ROR2: variants seen among roughly 807,000 people sequenced by gnomAD.
The protein encoded by ROR2 is tyrosine-protein kinase transmembrane receptor ROR2.
In ROR2, 33 loss-of-function variants were observed where a neutral mutation model predicts 74.9. That is an observed-to-expected ratio of 0.44 (90% confidence interval 0.33 to 0.59). ROR2 has a LOEUF of 0.59. ROR2 is among the 20% of genes least tolerant of loss of function. The pLI is 0.02. For missense variants in ROR2, 1,216 were observed against 1,313.8 expected (o/e 0.93, Z 1.15); for synonymous variants, 586 against 558.7 (o/e 1.05, Z -0.69).
rs1470313129 is a variant in ROR2 at position 91,800,356 on chromosome 9, G to A, written c.98-24538C>T. Among the ~76,000 whole-genome samples the A allele has an allele frequency of 7.8e-5, 11 of 141,142 alleles. No homozygotes were observed. In the South Asian group the frequency reaches 2.2e-3, roughly 29 times the overall value. The allele number at this position is 141,142 out of a possible 152,430, so 92.6% of individuals were successfully genotyped here. A position where few individuals can be genotyped will look rare whatever the true frequency, so the allele number is the denominator to read the frequency against. Reference sequence around the variant, plus strand: ...AGACTCCGTCTCAAAAAAAAAAAAAGAGAGAGAGAGAATAATACCAGTGCA... The same window carrying A: ...AGACTCCGTCTCAAAAAAAAAAAAAAAGAGAGAGAGAATAATACCAGTGCA... On this transcript the variant is annotated intron_variant, in intron 1 of 8. Coordinates refer to ENST00000375708, the MANE Select transcript of ROR2 (RefSeq NM_004560.4).
chr9:91,755,434 G>A (rs1267770128), intron 4 of ROR2, among the ~76,000 whole-genome samples: 1 of 152,222 alleles, frequency 6.6e-6, no homozygotes, highest in Admixed American at 6.5e-5. Flanking sequence ...CTCAAACACC[G>A]GCAATGGAAT....
chr9:91,770,156 G>C (rs922113552), intron 2 of ROR2, among the ~76,000 whole-genome samples: 3 of 152,198 alleles, frequency 2.0e-5, no homozygotes, highest in Non-Finnish European at 2.9e-5. Flanking sequence ...TGCTGCAGGG[G>C]GATGCCCTCA....
chr9:91,908,979 G>A (rs577715196), intron 1 of ROR2, among the ~76,000 whole-genome samples: 3 of 152,064 alleles, frequency 2.0e-5, no homozygotes, highest in Admixed American at 1.3e-4. Flanking sequence ...TGTCAGTATC[G>A]AGCCAACAGA....
intron 1 of ROR2, among the ~76,000 whole-genome samples, chr9:91,859,985 C>T (rs974676517): frequency 3.9e-5 from 6 of 152,186 alleles, no homozygotes; most frequent in African/African-American, 9.7e-5. Flanking sequence ...CGGGCCTGGA[C>T]GCTGCTCCGG....
intron 1 of ROR2, among the ~76,000 whole-genome samples, chr9:91,927,934 T>C (rs1447304798): frequency 3.9e-5 from 6 of 152,138 alleles, no homozygotes; most frequent in African/African-American, 1.2e-4. Context: ...TATTTTATTT[T>C]CTGTATCCTT....
intron 1 of ROR2, among the ~76,000 whole-genome samples, chr9:91,921,857 A>C (rs1354260145): frequency 2.2e-5 from 1 of 46,184 alleles, no homozygotes; most frequent in Non-Finnish European, 3.3e-5. Flanking sequence ...ACTCCGTCTC[A>C]AAAAAAAAAA....
intron 1 of ROR2, among the ~76,000 whole-genome samples, chr9:91,833,256 G>A (rs534240341): frequency 2.4e-4 from 37 of 152,236 alleles, no homozygotes; most frequent in African/African-American, 7.9e-4. Context: ...CCAGCCTGCC[G>A]GATGCTCCCG....
chr9:91,914,072 T>C (rs1831061434), intron 1 of ROR2, among the ~76,000 whole-genome samples: 1 of 151,088 alleles, frequency 6.6e-6, no homozygotes, highest in South Asian at 2.1e-4. Context: ...AAAAATCTCA[T>C]GCTGTTATTC....
At chr9:91,949,726 G>C (rs1366565670) in intron 1 of ROR2, 141 bp downstream of exon 1, 1 of 669,322 alleles carries the variant, frequency 1.5e-6, no homozygotes. Flanking sequence ...CGTCGGGCGA[G>C]ATGCGAATGG....
rs922566264 is a variant in ROR2 at position 91,805,764 on chromosome 9, A to G, written c.98-29946T>C. Among the ~76,000 whole-genome samples the G allele has an allele frequency of 2.6e-4, 39 of 152,194 alleles. 1 individual carries two copies. The highest frequency in any genetic ancestry group is 7.3e-5 in the Non-Finnish European group (5 of 68,036). ...CAACCCAACGCCGAGGGGTGAATAC[A>G]GAAAGAAGAAAGATGGGAAGATGAA... On this transcript the variant is annotated intron_variant, in intron 1 of 8. Coordinates refer to ENST00000375708, the MANE Select transcript of ROR2 (RefSeq NM_004560.4).
chr9:91,723,576 G>C lies in ROR2; in HGVS notation c.*86C>G. 3 of 1,551,078 alleles carry C rather than the reference G, an allele frequency of 1.9e-6. No homozygotes were observed. In the South Asian group the frequency reaches 3.6e-5, roughly 19 times the overall value. On this transcript the variant is annotated 3_prime_UTR_variant, in exon 9 of 9. Transcript: ENST00000375708. Reference sequence around the variant, plus strand: ...TGGCCGGCGGGCTCTTGTGATTGCTGAGTATGGTGTCTTCTCAAAGGTGAC... The same window carrying C: ...TGGCCGGCGGGCTCTTGTGATTGCTCAGTATGGTGTCTTCTCAAAGGTGAC...
At chr9:91,937,766 G>C (rs1831740884) in intron 1 of ROR2, among the ~76,000 whole-genome samples, 1 of 152,136 alleles carries the variant, frequency 6.6e-6, no homozygotes, top group Non-Finnish European at 1.5e-5. Context: ...ACCCAGGCTG[G>C]AGTGCAGTGA....
At chr9:91,767,791 A>G (rs1826105207) in intron 2 of ROR2, among the ~76,000 whole-genome samples, 1 of 152,198 alleles carries the variant, frequency 6.6e-6, no homozygotes, top group African/African-American at 2.4e-5. Flanking sequence ...AAGCATGGGG[A>G]CTTGCGAGAT....
Position 91,733,038 on chromosome 9 carries a change from G to A in ROR2, c.937+84C>T, listed in dbSNP as rs1473968016. Reference sequence around the variant, plus strand: ...GGCCTGGACAGATGGGGCTCCCTGGGCTTCACCGACACCCCCATACACATT... The same window carrying A: ...GGCCTGGACAGATGGGGCTCCCTGGACTTCACCGACACCCCCATACACATT... On this transcript the variant is annotated intron_variant, in intron 6 of 8. Coordinates refer to ENST00000375708, the MANE Select transcript of ROR2 (RefSeq NM_004560.4). This position sits in a 1 kb window ranked among gnomAD's most constrained non-coding sequence, Gnocchi z 5.7. 8.9e-6 allele frequency: 12 copies of A among 1,351,104 alleles called. No individual in the cohort carries two copies. The highest frequency in any genetic ancestry group is 1.1e-5 in the Non-Finnish European group (11 of 989,384). The allele number at this position is 1,351,104 out of a possible 1,614,324, so 83.7% of individuals were successfully genotyped here.
chr9:91,868,639 A>G (rs889597556), intron 1 of ROR2, among the ~76,000 whole-genome samples: 1 of 152,216 alleles, frequency 6.6e-6, no homozygotes, highest in Non-Finnish European at 1.5e-5. Context: ...GTTAAAAACA[A>G]TGAAGGCCAG....
At chr9:91,807,090 AG>A (rs947679328) in intron 1 of ROR2, among the ~76,000 whole-genome samples, 2 of 152,230 alleles carry the variant, frequency 1.3e-5, no homozygotes, top group Non-Finnish European at 2.9e-5. Context: ...CTACCCTGGA[AG>A]GCTATGTAGA....
intron 1 of ROR2, among the ~76,000 whole-genome samples, chr9:91,909,753 AC>A (rs1830905057): frequency 6.6e-6 from 1 of 150,840 alleles, no homozygotes. Context: ...TAAAGTAAAG[AC>A]ATACTGGACA....
At chr9:91,949,310 A>G (rs556799084) in intron 1 of ROR2, among the ~76,000 whole-genome samples, 1 of 151,846 alleles carries the variant, frequency 6.6e-6, no homozygotes, top group Non-Finnish European at 1.5e-5. Flanking sequence ...GGGCTGGGAA[A>G]GTCAGGACCC....
chr9:91,903,990 A>T (rs551530565), intron 1 of ROR2, among the ~76,000 whole-genome samples: 1 of 152,172 alleles, frequency 6.6e-6, no homozygotes, highest in East Asian at 1.9e-4. Context: ...ACAAGGTAGG[A>T]ATCACTGCCC....
Sources: allele counts gnomAD v4.1 joint callset (sites outside exome capture counted in the v4.1 genomes callset), GRCh38; gene constraint gnomAD v4.1.1; non-coding constraint Gnocchi (gnomAD v3.1); transcripts MANE v1.5; gene names NCBI Gene and HGNC (gene_info 2026-07-23, HGNC 2026-07-21).